The following KIF1A variants were observed in gnomAD, a reference collection of about 807,000 sequenced individuals.
KIF1A encodes kinesin-like protein KIF1A.
A neutral mutation model predicts 227.3 loss-of-function variants in KIF1A; 46 were observed. That is an observed-to-expected ratio of 0.20 (90% CI 0.16 to 0.26). The LOEUF is 0.26. Among genes scored for constraint, KIF1A ranks in the 10% least tolerant of loss-of-function variants. The probability of loss-of-function intolerance (pLI) is 1.00; values close to 1 mark genes in which losing one functional copy is unlikely to be tolerated. For synonymous variants in KIF1A, 1,022 were observed against 1,012.8 expected (o/e 1.01, Z -0.17); for missense variants, 1,683 against 2,485.9 (o/e 0.68, Z 6.87).
intron 20 of KIF1A, among the ~76,000 whole-genome samples, chr2:240,764,401 C>T (rs547498453): frequency 3.0e-4 from 45 of 152,298 alleles, no homozygotes; most frequent in African/African-American, 9.9e-4. Context: ...GACCAGCTGT[C>T]GCCCAGGCTT....
At chr2:240,811,273 G>A (rs2057841719) in intron 1 of KIF1A, among the ~76,000 whole-genome samples, 1 of 152,168 alleles carries the variant, frequency 6.6e-6, no homozygotes, top group Admixed American at 6.5e-5. Flanking sequence ...GCTGAGGTAG[G>A]AGAATCACTT....
chr2:240,722,536 C>T lies in KIF1A; in HGVS notation c.4585G>A (p.Ala1529Thr), dbSNP rs572923181. 7.4e-5 allele frequency: 115 copies of T among 1,548,984 alleles called. No homozygotes were observed. The highest frequency in any genetic ancestry group is 7.1e-4 in the South Asian group (60 of 83,970). Residue 1529 changes from alanine (A) to threonine (T), a missense_variant, in exon 43 of 49, where the codon GCC (alanine) becomes ACC (threonine). Physicochemically the swap from Ala to Thr is moderately conservative, Grantham distance 58. Transcript: ENST00000498729. Reference sequence around the variant, plus strand: ...CCCTCAGCCGAGAGCGGGGAGGAGGCGCTGGAGGAGCCATGGGACTCAGAG... The same window carrying T: ...CCCTCAGCCGAGAGCGGGGAGGAGGTGCTGGAGGAGCCATGGGACTCAGAG... ...EDSESHGSSS[A>T]SSPLSAEGRP...
chr2:240,780,009 C>T (rs908040951), intron 10 of KIF1A, among the ~76,000 whole-genome samples: 3 of 152,076 alleles, frequency 2.0e-5, no homozygotes, highest in African/African-American at 7.2e-5. Context: ...CACAGTTCCA[C>T]AAACAGTTTC....
chr2:240,808,408 CA>C lies in KIF1A; in HGVS notation c.-60-10597del. ...GCACAGTGGCTCACACCTGTAGTCC[CA>C]GCTACCATGGAGGCTGAGGTAGAAG... On this transcript the variant is annotated intron_variant, in intron 1 of 48. Transcript: ENST00000498729. 2.0e-5 allele frequency among the ~76,000 whole-genome samples: 3 copies of C among 152,202 alleles called. 1 individual carries two copies. The South Asian group carries it at 6.2e-4, about 32-fold the overall frequency.
In KIF1A at chr2:240,726,679, G is replaced by T. The variant is rs1041872078; in HGVS notation, c.4122+147C>A. 76 of 473,324 alleles carry T rather than the reference G, an allele frequency of 1.6e-4. 1 individual carries two copies. The highest frequency in any genetic ancestry group is 1.5e-3 in the African/African-American group (74 of 50,632). 29.3% of individuals were successfully genotyped at this position (473,324 alleles called of 1,614,324 possible). A position where few individuals can be genotyped will look rare whatever the true frequency, so the allele number is the denominator to read the frequency against. Reference sequence around the variant, plus strand: ...ACCTTGCAGTCCAGTTTTTGTTTTTGTTTTTTAAAAGGCACACAAATTTAA... The same window carrying T: ...ACCTTGCAGTCCAGTTTTTGTTTTTTTTTTTTAAAAGGCACACAAATTTAA... On this transcript the variant is annotated intron_variant, in intron 39 of 48. Coordinates refer to ENST00000498729, the MANE Select transcript of KIF1A (RefSeq NM_001244008.2). This position sits in a 1 kb window ranked among gnomAD's most constrained non-coding sequence, Gnocchi z 5.2.
chr2:240,727,845 C>CCTT (rs915276772), intron 38 of KIF1A, among the ~76,000 whole-genome samples: 2 of 152,202 alleles, frequency 1.3e-5, no homozygotes, highest in African/African-American at 4.8e-5. Context: ...CTGTTTTCAG[C>CCTT]CTTCTGGATG....
chr2:240,820,650 A>C, upstream of KIF1A, among the ~76,000 whole-genome samples: 1 of 144,782 alleles, frequency 6.9e-6, no homozygotes, highest in South Asian at 2.4e-4. This position sits in a 1 kb window ranked among gnomAD's most constrained non-coding sequence, Gnocchi z 6.2. Flanking sequence ...GCTCTGAGCC[A>C]GCGACAGACG....
intron 1 of KIF1A, among the ~76,000 whole-genome samples, chr2:240,808,497 C>CA (rs11302292): frequency 3.2e-4 from 22 of 67,888 alleles, no homozygotes; most frequent in Admixed American, 7.2e-4. Context: ...ATTTCTAAAA[C>CA]AAAAAAAAAA....
chr2:240,718,747 A>G (rs1473979389), intron 47 of KIF1A, among the ~76,000 whole-genome samples: 2 of 152,176 alleles, frequency 1.3e-5, no homozygotes, highest in Admixed American at 1.3e-4. Flanking sequence ...ACAGGAGAAT[A>G]CTAATGCTTG....
intron 10 of KIF1A, among the ~76,000 whole-genome samples, chr2:240,779,582 TCACTCAGTTCCA>T (rs1276670320): frequency 2.0e-5 from 3 of 147,636 alleles, no homozygotes; most frequent in African/African-American, 7.6e-5. Context: ...CCTCAGTTCC[TCACTCAGTTCCA>T]CACTCAGTTC....
rs919386319 is a variant in KIF1A at position 240,793,876 on chromosome 2, G to C, written c.106+3771C>G. Among the ~76,000 whole-genome samples, 26 of 152,290 alleles carry C rather than the reference G, an allele frequency of 1.7e-4. No homozygotes were observed. The highest frequency in any genetic ancestry group is 3.4e-3 in the Middle Eastern group (1 of 294). On this transcript the variant is annotated intron_variant, in intron 2 of 48. Transcript: ENST00000498729. The surrounding 1 kb of genome is among the most constrained non-coding windows in gnomAD (Gnocchi z 4.8). ...CCGGACAGGCAGGGCAGGCTGGCCA[G>C]GTCACTTCCCCACGACATCCTCTGA...
intron 38 of KIF1A, chr2:240,734,828 G>T (rs1241763316): frequency 6.4e-6 from 7 of 1,086,730 alleles, no homozygotes; most frequent in Non-Finnish European, 7.6e-6. Flanking sequence ...GAGGGAAGCG[G>T]CCTGTGGCCA....
rs2044647190 is a variant in KIF1A at position 240,716,986 on chromosome 2, CAA to C, written c.*376_*377del. The stretch of plus-strand genomic sequence containing the variant: ...TAGAAATAAATACTTATAAATAGAA[CAA>C]GTCTTATAGTTAATTTCCGAGTTGA... On this transcript the variant is annotated 3_prime_UTR_variant, in exon 49 of 49. Transcript: ENST00000498729. The C allele has an allele frequency of 9.4e-6, 2 of 213,330 alleles. No homozygotes were observed. Among genetic ancestry groups the C allele is most frequent in the African/African-American group, 4.5e-5 (2 of 44,064 alleles). 13.2% of individuals were successfully genotyped at this position (213,330 alleles called of 1,614,324 possible). A position where few individuals can be genotyped will look rare whatever the true frequency, so the allele number is the denominator to read the frequency against.
Position 240,744,690 on chromosome 2 carries a change from C to A in KIF1A, c.3466-630G>T, listed in dbSNP as rs568812363. On this transcript the variant is annotated intron_variant, in intron 32 of 48. Coordinates refer to ENST00000498729, the MANE Select transcript of KIF1A (RefSeq NM_001244008.2). The stretch of plus-strand genomic sequence containing the variant: ...GAGGCCTAAGAAGGGGGCAATCCTG[C>A]CCACACCCTCATCCCGGGCTTCCAG... 2.6e-5 allele frequency among the ~76,000 whole-genome samples: 4 copies of A among 152,304 alleles called. No homozygotes were observed. In the East Asian group the frequency reaches 7.7e-4, roughly 29 times the overall value.
At chr2:240,751,135 G>A (rs2049156519) in intron 27 of KIF1A, among the ~76,000 whole-genome samples, 3 of 152,158 alleles carry the variant, frequency 2.0e-5, no homozygotes, top group African/African-American at 2.4e-5. Flanking sequence ...GGCCCAGCCT[G>A]CCCTGTCAGA....
chr2:240,807,120 G>GTA lies in KIF1A; in HGVS notation c.-60-9309_-60-9308insTA, dbSNP rs375498416. 7.4e-4 allele frequency among the ~76,000 whole-genome samples: 61 copies of GTA among 82,206 alleles called. 4 individuals carry two copies. The highest frequency in any genetic ancestry group is 6.8e-3 in the South Asian group (21 of 3,076). The allele number at this position is 82,206 out of a possible 152,430, so 53.9% of individuals were successfully genotyped here. Reference sequence around the variant, plus strand: ...TGTGTGTGTGTGTGTGTGTGTGTGTGTGTGTGTGTGTATATATATATATAT... The same window carrying GTA: ...TGTGTGTGTGTGTGTGTGTGTGTGTGTATGTGTGTGTGTATATATATATATAT... On this transcript the variant is annotated intron_variant, in intron 1 of 48. Coordinates refer to ENST00000498729, the MANE Select transcript of KIF1A (RefSeq NM_001244008.2).
intron 45 of KIF1A, 78 bp from the exon 46 acceptor site, chr2:240,720,004 T>C: frequency 6.9e-7 from 1 of 1,448,896 alleles, no homozygotes; most frequent in Non-Finnish European, 9.2e-7. Context: ...TTCACCCTCC[T>C]CAGAGCACCT....
chr2:240,737,157 T>G lies in KIF1A; in HGVS notation c.3913A>C (p.Asn1305His). The change falls in exon 38 of 49, where the codon AAC becomes CAC. Residue 1305 changes from asparagine (N) to histidine (H), a missense_variant. Transcript: ENST00000498729. ...AGGGACTCGTCGGTCTCTGGAGTGT[T>G]TCGGATGCGGCCTGCAGAAAAGGCA... ...VRELVVGRIR[N>H]TPETDESLID... 6.2e-7 allele frequency: 1 copy of G among 1,613,298 alleles called. No individual in the cohort carries two copies. The highest frequency in any genetic ancestry group is 8.5e-7 in the Non-Finnish European group (1 of 1,179,450).
chr2:240,769,479 G>A (rs1216085094), intron 16 of KIF1A, 148 bp downstream of exon 16: 15 of 681,772 alleles, frequency 2.2e-5, no homozygotes, highest in Non-Finnish European at 2.2e-5. Context: ...TTGGCGATGA[G>A]GGAACAGGTT....
Sources: allele counts gnomAD v4.1 joint callset (sites outside exome capture counted in the v4.1 genomes callset), GRCh38; gene constraint gnomAD v4.1.1; non-coding constraint Gnocchi (gnomAD v3.1); transcripts MANE v1.5; gene names NCBI Gene and HGNC (gene_info 2026-07-23, HGNC 2026-07-21).